The following KIF6 variants were observed in gnomAD, a reference collection of about 807,000 sequenced individuals.
KIF6 encodes kinesin family member 6, also known as kinesin-like protein KIF6.
KIF6 carries 106 observed loss-of-function variants against 112.7 expected under a neutral mutation model. The observed-to-expected ratio is 0.94, with a 90% CI of 0.80 to 1.11. The LOEUF (loss-of-function observed/expected upper bound fraction) is 1.11. Among genes scored for constraint, KIF6 ranks in the 50% least tolerant of loss-of-function variants. KIF6 has a pLI of 0.00. For missense variants in KIF6, 929 were observed against 964.0 expected (o/e 0.96, Z 0.48); for synonymous variants, 339 against 339.9 (o/e 1.00, Z 0.03).
intron 4 of KIF6, 122 bp from the exon 5 acceptor site, chr6:39,635,080 G>A: frequency 1.6e-6 from 1 of 612,004 alleles, no homozygotes; most frequent in Non-Finnish European, 2.9e-6. Context: ...ACTTTATATG[G>A]TTTACATTTT....
At chr6:39,345,149 G>A (rs999861742) in intron 21 of KIF6, among the ~76,000 whole-genome samples, 3 of 152,372 alleles carry the variant, frequency 2.0e-5, no homozygotes, top group African/African-American at 7.2e-5. Flanking sequence ...CAGTAAGGAC[G>A]GTATGTAACA....
At position 39,362,498 on chromosome 6, in the gene KIF6, C is replaced by A. The variant is rs764049293; in HGVS notation, c.1882G>T (p.Val628Leu). Residue 628 changes from valine to leucine, a missense_variant, in exon 17 of 23, where the codon GTG (valine) becomes TTG (leucine). This residue lies in a region of KIF6 where 241 missense variants were observed against 301.4 expected (regional missense o/e 0.80). Transcript: ENST00000287152. ...TCCTGCTGGTCTGGCATCAGAGGCACGGCCATGTTTTCCGAGATTCCTGTA... is the reference window on the plus strand; with the variant it reads ...TCCTGCTGGTCTGGCATCAGAGGCAAGGCCATGTTTTCCGAGATTCCTGTA... Reference protein sequence around the residue: ...VALGISENMAVPLMPDQQEEK... With the variant: ...VALGISENMALPLMPDQQEEK... 1 of 1,613,714 alleles carries A rather than the reference C, an allele frequency of 6.2e-7. No homozygotes were observed. The highest frequency in any genetic ancestry group is 8.5e-7 in the Non-Finnish European group (1 of 1,179,766).
At chr6:39,488,524 T>A (rs1194154530) in intron 13 of KIF6, among the ~76,000 whole-genome samples, 1 of 152,156 alleles carries the variant, frequency 6.6e-6, no homozygotes, top group Non-Finnish European at 1.5e-5. Flanking sequence ...CTGGGTTAGG[T>A]CTCCTTCTGT....
intron 22 of KIF6, among the ~76,000 whole-genome samples, chr6:39,340,615 C>T (rs1339653252): frequency 6.6e-6 from 1 of 152,096 alleles, no homozygotes; most frequent in African/African-American, 2.4e-5. Context: ...TTAAGAGCAT[C>T]AAATGAAACA....
intron 13 of KIF6, among the ~76,000 whole-genome samples, chr6:39,454,869 A>G (rs1046908505): frequency 6.6e-6 from 1 of 152,014 alleles, no homozygotes; most frequent in Non-Finnish European, 1.5e-5. Context: ...GGAGGGTCCT[A>G]CGCCCACCGA....
At position 39,408,891 on chromosome 6, in the gene KIF6, C is replaced by T. The variant is rs533937234; in HGVS notation, c.1810+11057G>A. ...AATGAATCTATGACTTTCTGAACTC[C>T]AGATTAAGGGAGAGAACCTAGGAAG... On this transcript the variant is annotated intron_variant, in intron 15 of 22. Coordinates refer to ENST00000287152, the MANE Select transcript of KIF6 (RefSeq NM_145027.6). Among the ~76,000 whole-genome samples the T allele has an allele frequency of 1.3e-4, 20 of 152,208 alleles. No individual in the cohort carries two copies. In the East Asian group the frequency reaches 3.7e-3, roughly 28 times the overall value.
intron 10 of KIF6, among the ~76,000 whole-genome samples, chr6:39,548,199 C>T (rs936700285): frequency 6.6e-6 from 1 of 152,164 alleles, no homozygotes; most frequent in Admixed American, 6.5e-5. Context: ...TTCTAGGAAA[C>T]GTTCTCTGAA....
intron 16 of KIF6, among the ~76,000 whole-genome samples, chr6:39,372,945 A>G (rs1766135287): frequency 6.6e-6 from 1 of 152,206 alleles, no homozygotes; most frequent in African/African-American, 2.4e-5. Flanking sequence ...GAGATGGGAA[A>G]GTCTTACCCA....
intron 5 of KIF6, among the ~76,000 whole-genome samples, chr6:39,629,260 A>G (rs1784242110): frequency 6.6e-6 from 1 of 152,158 alleles, no homozygotes; most frequent in African/African-American, 2.4e-5. Flanking sequence ...TTTGTCTTCC[A>G]AAGTGGTGGG....
In KIF6 at chr6:39,343,653, C is replaced by T; in HGVS notation, c.2428+56G>A. The T allele has an allele frequency of 7.2e-7, 1 of 1,389,112 alleles. No individual in the cohort carries two copies. Among genetic ancestry groups the T allele is most frequent in the Non-Finnish European group, 1.0e-6 (1 of 998,068 alleles). 86.0% of individuals were successfully genotyped at this position (1,389,112 alleles called of 1,614,324 possible). A position where few individuals can be genotyped will look rare whatever the true frequency, so the allele number is the denominator to read the frequency against. On this transcript the variant is annotated intron_variant, in intron 22 of 22. Transcript: ENST00000287152. The surrounding 1 kb of genome is among the most constrained non-coding windows in gnomAD (Gnocchi z 4.1). ...CCCCTCCCACCTCACTGTGTGCTCC[C>T]CACAAGTGTTGGTGACCTGCTGCCC...
intron 1 of KIF6, among the ~76,000 whole-genome samples, chr6:39,724,179 G>C (rs1416146922): frequency 6.6e-6 from 1 of 152,170 alleles, no homozygotes; most frequent in Non-Finnish European, 1.5e-5. Flanking sequence ...TGCTGGGCGC[G>C]GTGGCTCACG....
chr6:39,467,700 C>G (rs1301647987), intron 13 of KIF6, among the ~76,000 whole-genome samples: 2 of 152,160 alleles, frequency 1.3e-5, no homozygotes, highest in Non-Finnish European at 2.9e-5. Flanking sequence ...GGATCAATAT[C>G]TAGAGCTGCT....
At chr6:39,623,170 G>T (rs1783917456) in intron 5 of KIF6, among the ~76,000 whole-genome samples, 1 of 152,132 alleles carries the variant, frequency 6.6e-6, no homozygotes, top group South Asian at 2.1e-4. Context: ...GTTTAATTTA[G>T]AAGTAGTATA....
intron 14 of KIF6, among the ~76,000 whole-genome samples, chr6:39,421,080 A>T (rs1283975029): frequency 6.6e-6 from 1 of 152,226 alleles, no homozygotes; most frequent in Non-Finnish European, 1.5e-5. Flanking sequence ...CCATGAAGTT[A>T]AAGAGACAAT....
At chr6:39,444,470 A>C (rs1772177812) in intron 13 of KIF6, among the ~76,000 whole-genome samples, 1 of 152,114 alleles carries the variant, frequency 6.6e-6, no homozygotes, top group African/African-American at 2.4e-5. Context: ...TGGTGAGAAA[A>C]GATCTTAAGG....
chr6:39,425,001 G>A (rs1770658836), intron 14 of KIF6, among the ~76,000 whole-genome samples: 1 of 152,214 alleles, frequency 6.6e-6, no homozygotes, highest in Admixed American at 6.5e-5. Flanking sequence ...GCTGTGGGGT[G>A]TGTCAGGCGG....
In KIF6 at chr6:39,431,014, G is replaced by A. The variant is rs142777182; in HGVS notation, c.1754+39C>T. The A allele has an allele frequency of 2.7e-4, 354 of 1,301,994 alleles. 2 individuals are homozygous for A. In the East Asian group the frequency reaches 8.2e-3, roughly 30 times the overall value. The allele number at this position is 1,301,994 out of a possible 1,614,324, so 80.7% of individuals were successfully genotyped here. ...AAATCTCTTCTAGGCTGGCCTGGCT[G>A]AGCCTCGGAGGACCAGCTGCTCTCT... On this transcript the variant is annotated intron_variant, in intron 14 of 22. Transcript: ENST00000287152.
chr6:39,528,469 T>A (rs1777861879), intron 13 of KIF6, among the ~76,000 whole-genome samples: 1 of 152,216 alleles, frequency 6.6e-6, no homozygotes, highest in Admixed American at 6.5e-5. Context: ...ATCTTTTGGA[T>A]ACATATTGAT....
rs58810898 is a variant in KIF6 at position 39,349,631 on chromosome 6, CTTTTTTTTTTTTT to C, written c.2181-3118_2181-3106del. 3.3e-3 allele frequency among the ~76,000 whole-genome samples: 212 copies of C among 64,572 alleles called. 6 individuals are homozygous for C. In the East Asian group the frequency reaches 0.056, roughly 17 times the overall value. The allele number at this position is 64,572 out of a possible 152,430, so 42.4% of individuals were successfully genotyped here. On this transcript the variant is annotated intron_variant, in intron 19 of 22. Transcript: ENST00000287152. ...GAAGGTCTAGGTTTAATTTGTGGCTCTTTTTTTTTTTTTTTTTTTTTTTTTTTTTTGAGACAGG... is the reference window on the plus strand; with the variant it reads ...GAAGGTCTAGGTTTAATTTGTGGCTCTTTTTTTTTTTTTTTTTGAGACAGG...
Sources: gnomAD v4.1 joint callset for allele counts (sites outside exome capture counted in the v4.1 genomes callset) on GRCh38, gnomAD v4.1.1 for gene constraint, gnomAD v4.1.1 regional missense constraint, Gnocchi (gnomAD v3.1) non-coding constraint, MANE v1.5 for transcripts, NCBI Gene and HGNC (gene_info 2026-07-23, HGNC 2026-07-21) for gene names.